Variants in AIG1 observed in about 807,000 individuals in gnomAD.
AIG1 encodes androgen induced 1, also known as androgen-induced gene 1 protein.
Under a neutral mutation model 31.4 loss-of-function variants are expected in AIG1, and 23 were observed. The observed-to-expected ratio is 0.73, with a 90% CI of 0.53 to 1.04. The LOEUF (loss-of-function observed/expected upper bound fraction) is 1.04, where lower values mean the gene tolerates loss of function less well. AIG1 is among the 50% of genes least tolerant of loss of function. AIG1 has a pLI of 0.00. For synonymous variants in AIG1, 100 were observed against 110.5 expected (o/e 0.90, Z 0.60); for missense variants, 274 against 295.0 (o/e 0.93, Z 0.52).
intron 2 of AIG1, among the ~76,000 whole-genome samples, chr6:143,157,093 T>C (rs1785848195): frequency 1.3e-5 from 2 of 152,192 alleles, no homozygotes; most frequent in Non-Finnish European, 2.9e-5. Context: ...TTGCTTTCAC[T>C]AATACAAAGG....
At chr6:143,179,256 A>C (rs1044988095) in intron 3 of AIG1, among the ~76,000 whole-genome samples, 5 of 152,172 alleles carry the variant, frequency 3.3e-5, no homozygotes, top group Non-Finnish European at 7.3e-5. Context: ...GATTGGGAAA[A>C]TATGAATTTT....
rs1430451086 is a variant in AIG1 at position 143,327,373 on chromosome 6, C to T, written c.516-5909C>T. 3 of 295,270 alleles carry T rather than the reference C, an allele frequency of 1.0e-5. No individual in the cohort carries two copies. The highest frequency in any genetic ancestry group is 3.8e-5 in the South Asian group (1 of 26,066). 18.3% of individuals were successfully genotyped at this position (295,270 alleles called of 1,614,324 possible). A position where few individuals can be genotyped will look rare whatever the true frequency, so the allele number is the denominator to read the frequency against. ...GATACACCATCAACATTCACAAGCG[C>T]GTCCATGGAGTGGGCTTCAAGAAGT... On this transcript the variant is annotated intron_variant, in intron 4 of 5. Coordinates refer to ENST00000357847, the MANE Select transcript of AIG1 (RefSeq NM_016108.4). The surrounding 1 kb of genome is among the most constrained non-coding windows in gnomAD (Gnocchi z 5.3).
intron 5 of AIG1, chr6:143,339,170 G>GA (rs3840180): frequency 0.32 from 47,022 of 148,588 alleles, 9,771 homozygotes; most frequent in African/African-American, 0.6. Flanking sequence ...AAGAAAACAA[G>GA]AAAAAAAAAA....
At chr6:143,277,504 C>T (rs1298201674) in intron 3 of AIG1, among the ~76,000 whole-genome samples, 2 of 152,324 alleles carry the variant, frequency 1.3e-5, no homozygotes, top group East Asian at 3.9e-4. Flanking sequence ...GTGTGCAACA[C>T]ACACGCACAT....
At chr6:143,269,975 A>G (rs1000832930) in intron 3 of AIG1, among the ~76,000 whole-genome samples, 2 of 152,210 alleles carry the variant, frequency 1.3e-5, no homozygotes, top group African/African-American at 4.8e-5. Context: ...GATATGGTAT[A>G]GTATTTAAAC....
chr6:143,260,793 G>A (rs1446231498), intron 3 of AIG1, among the ~76,000 whole-genome samples: 1 of 152,164 alleles, frequency 6.6e-6, no homozygotes, highest in East Asian at 1.9e-4. Flanking sequence ...TGCAAAGCTA[G>A]AATTCCAACC....
intron 3 of AIG1, among the ~76,000 whole-genome samples, chr6:143,265,513 G>T (rs1583668242): frequency 6.6e-6 from 1 of 152,026 alleles, no homozygotes; most frequent in East Asian, 1.9e-4. Context: ...CCCTCTAGCT[G>T]CCTGGCGGTC....
chr6:143,140,118 A>T (rs562877982), intron 2 of AIG1, among the ~76,000 whole-genome samples: 1 of 152,312 alleles, frequency 6.6e-6, no homozygotes, highest in East Asian at 1.9e-4. Flanking sequence ...CATGGTGGCA[A>T]GAGAGTGTGT....
At chr6:143,240,285 A>C (rs1464697083) in intron 3 of AIG1, among the ~76,000 whole-genome samples, 1 of 152,192 alleles carries the variant, frequency 6.6e-6, no homozygotes, top group African/African-American at 2.4e-5. Context: ...ATATTACAAT[A>C]GGCCCTGGCG....
chr6:143,211,555 G>A (rs1323670597), intron 3 of AIG1, among the ~76,000 whole-genome samples: 1 of 152,144 alleles, frequency 6.6e-6, no homozygotes, highest in Non-Finnish European at 1.5e-5. Flanking sequence ...TGAACATTAG[G>A]TTAAGTGGAG....
At chr6:143,081,163 A>G (rs1435226214) in intron 1 of AIG1, among the ~76,000 whole-genome samples, 2 of 152,208 alleles carry the variant, frequency 1.3e-5, no homozygotes, top group Non-Finnish European at 2.9e-5. Flanking sequence ...AGAGCAGGCC[A>G]TGCAAGGTGG....
rs980772327 is a variant in AIG1, at chr6:143,135,821, G to A, written c.142-1014G>A. On this transcript the variant is annotated intron_variant, in intron 1 of 5. Coordinates refer to ENST00000357847, the MANE Select transcript of AIG1 (RefSeq NM_016108.4). ...GGTCCTTGCTATCTTTTCTAAAGAG[G>A]CAATGAGTAAAATTGTGTCTTTTAC... Among the ~76,000 whole-genome samples, 4 of 152,270 alleles carry A rather than the reference G, an allele frequency of 2.6e-5. No homozygotes were observed. The South Asian group carries it at 6.2e-4, about 24-fold the overall frequency.
intron 5 of AIG1, among the ~76,000 whole-genome samples, chr6:143,337,498 G>T (rs1200968782): frequency 1.3e-5 from 2 of 152,024 alleles, no homozygotes; most frequent in Non-Finnish European, 2.9e-5. Flanking sequence ...GGAGCGCGGG[G>T]GGGGACACAA....
At chr6:143,176,673 C>G (rs1417224077) in intron 3 of AIG1, among the ~76,000 whole-genome samples, 1 of 152,196 alleles carries the variant, frequency 6.6e-6, no homozygotes, top group African/African-American at 2.4e-5. Flanking sequence ...ATGCAGCCTG[C>G]TGCATGAAAA....
At chr6:143,267,886 C>A (rs79210458) in intron 3 of AIG1, among the ~76,000 whole-genome samples, 1,566 of 152,222 alleles carry the variant, frequency 0.01, 41 homozygotes, top group East Asian at 0.064. Flanking sequence ...TGGAGACCTG[C>A]CTCCTAGGGG....
chr6:143,215,704 A>T (rs1212956609), intron 3 of AIG1, among the ~76,000 whole-genome samples: 1 of 152,166 alleles, frequency 6.6e-6, no homozygotes, highest in Non-Finnish European at 1.5e-5. Context: ...ATGTGCTAGG[A>T]TATCAAAGCA....
chr6:143,339,807 C>T lies in AIG1; in HGVS notation c.*131C>T, dbSNP rs1191892819. 4.0e-6 allele frequency: 3 copies of T among 759,316 alleles called. No individual in the cohort carries two copies. The highest frequency in any genetic ancestry group is 6.3e-6 in the Non-Finnish European group (3 of 473,434). The allele number at this position is 759,316 out of a possible 1,614,324, so 47.0% of individuals were successfully genotyped here. A position where few individuals can be genotyped will look rare whatever the true frequency, so the allele number is the denominator to read the frequency against. ...CAGCACCCCCCTCCCCCAATGAGGA[C>T]ACCTTTTATATATAAATATGTATAA... On this transcript the variant is annotated 3_prime_UTR_variant, in exon 6 of 6. Transcript: ENST00000357847.
Position 143,334,163 on chromosome 6 carries a change from A to G in AIG1, c.679+718A>G, listed in dbSNP as rs1777300016. ...TATGTACAATAACATAAAAATTGAA[A>G]GGTGGAAAAAGCGCCAGCACAGACA... is the stretch of plus-strand genomic sequence containing the variant. On this transcript the variant is annotated intron_variant, in intron 5 of 5. Coordinates refer to ENST00000357847, the MANE Select transcript of AIG1 (RefSeq NM_016108.4). The surrounding 1 kb of genome is among the most constrained non-coding windows in gnomAD (Gnocchi z 5.1). 6.8e-7 allele frequency: 1 copy of G among 1,473,610 alleles called. No homozygotes were observed. Among genetic ancestry groups the G allele is most frequent in the Admixed American group, 2.1e-5 (1 of 47,986 alleles). The allele number at this position is 1,473,610 out of a possible 1,614,324, so 91.3% of individuals were successfully genotyped here. A position where few individuals can be genotyped will look rare whatever the true frequency, so the allele number is the denominator to read the frequency against.
intron 3 of AIG1, among the ~76,000 whole-genome samples, chr6:143,194,681 C>T (rs1790077795): frequency 1.3e-5 from 2 of 152,222 alleles, no homozygotes; most frequent in South Asian, 4.1e-4. Context: ...TTTGGGAGTC[C>T]CCCAAGATGC....
Sources: allele counts gnomAD v4.1 joint callset (sites outside exome capture counted in the v4.1 genomes callset), GRCh38; gene constraint gnomAD v4.1.1; non-coding constraint Gnocchi (gnomAD v3.1); transcripts MANE v1.5; gene names NCBI Gene and HGNC (gene_info 2026-07-23, HGNC 2026-07-21).